Variants in GRIA4 observed in about 807,000 individuals in gnomAD.
The protein encoded by GRIA4 is glutamate ionotropic receptor AMPA type subunit 4.
In GRIA4, 34 loss-of-function variants were observed where a neutral mutation model predicts 104.0. The observed-to-expected ratio is 0.33, with a 90% confidence interval of 0.25 to 0.44. The LOEUF (loss-of-function observed/expected upper bound fraction) is 0.44. Among genes scored for constraint, GRIA4 ranks in the 20% least tolerant of loss-of-function variants. GRIA4 has a pLI of 1.00. For synonymous variants in GRIA4, 386 were observed against 381.9 expected (o/e 1.01, Z -0.13); for missense variants, 750 against 1,096.5 (o/e 0.68, Z 4.46).
chr11:105,790,670 A>T (rs1365921590), intron 4 of GRIA4, among the ~76,000 whole-genome samples: 1 of 152,186 alleles, frequency 6.6e-6, no homozygotes, highest in Non-Finnish European at 1.5e-5. Flanking sequence ...AATGCTATAA[A>T]TTTAAAAATA....
chr11:105,718,385 A>C (rs1322334356), intron 3 of GRIA4, among the ~76,000 whole-genome samples: 3 of 152,192 alleles, frequency 2.0e-5, no homozygotes, highest in Admixed American at 2.0e-4. Flanking sequence ...CTCCAGACAA[A>C]GGTACCAATA....
intron 11 of GRIA4, among the ~76,000 whole-genome samples, chr11:105,921,358 C>A (rs1294737091): frequency 7.2e-6 from 1 of 138,010 alleles, no homozygotes; most frequent in African/African-American, 2.7e-5. Flanking sequence ...TGTTTTAGTC[C>A]AAGGGAATAA....
At chr11:105,908,434 C>T (rs867938639) in intron 9 of GRIA4, among the ~76,000 whole-genome samples, 1 of 152,232 alleles carries the variant, frequency 6.6e-6, no homozygotes, top group Middle Eastern at 3.4e-3. Context: ...GAAATTCCAT[C>T]TTCTGTGAGG....
intron 3 of GRIA4, among the ~76,000 whole-genome samples, chr11:105,726,067 C>G (rs1034305246): frequency 6.6e-6 from 1 of 152,114 alleles, no homozygotes; most frequent in Non-Finnish European, 1.5e-5. Context: ...CCTGGAAAGG[C>G]TGAAGCCAGG....
intron 4 of GRIA4, among the ~76,000 whole-genome samples, chr11:105,818,926 G>A (rs1025888081): frequency 6.6e-6 from 1 of 152,132 alleles, no homozygotes; most frequent in African/African-American, 2.4e-5. Flanking sequence ...TTATGCATGT[G>A]TAACAAAGTC....
chr11:105,745,592 A>C (rs367811493), intron 3 of GRIA4, among the ~76,000 whole-genome samples: 1 of 152,282 alleles, frequency 6.6e-6, no homozygotes, highest in South Asian at 2.1e-4. Flanking sequence ...CACAATCCTC[A>C]TAAGTTTACC....
chr11:105,863,644 G>C (rs1945306959), intron 5 of GRIA4, among the ~76,000 whole-genome samples: 1 of 152,114 alleles, frequency 6.6e-6, no homozygotes, highest in South Asian at 2.1e-4. Context: ...TGTATTGAGA[G>C]TTTGAGTTGT....
At chr11:105,753,809 T>G (rs963167118) in intron 4 of GRIA4, among the ~76,000 whole-genome samples, 2 of 152,066 alleles carry the variant, frequency 1.3e-5, no homozygotes, top group Admixed American at 1.3e-4. Flanking sequence ...CATTTCCTCC[T>G]TCATATAAAG....
chr11:105,635,718 T>C (rs1444416722), intron 3 of GRIA4, among the ~76,000 whole-genome samples: 1 of 152,158 alleles, frequency 6.6e-6, no homozygotes, highest in Non-Finnish European at 1.5e-5. Flanking sequence ...TCAGTGACCC[T>C]CATCATCAGT....
intron 4 of GRIA4, among the ~76,000 whole-genome samples, chr11:105,773,176 G>A (rs935308253): frequency 1.5e-4 from 22 of 151,564 alleles, no homozygotes; most frequent in African/African-American, 5.1e-4. Context: ...GCTTTTCTCC[G>A]TGTTTGTCTA....
At chr11:105,760,944 T>C (rs894503194) in intron 4 of GRIA4, among the ~76,000 whole-genome samples, 5 of 152,182 alleles carry the variant, frequency 3.3e-5, no homozygotes, top group African/African-American at 1.2e-4. Context: ...CAAGGTTCTA[T>C]ATAATCAAAA....
chr11:105,894,791 A>ATTTTTTTTTTTTTTTTTTTT (rs569292239), intron 6 of GRIA4, among the ~76,000 whole-genome samples: 1 of 126,386 alleles, frequency 7.9e-6, no homozygotes, highest in African/African-American at 3.2e-5. Flanking sequence ...ATTGCTACAT[A>ATTTTTTTTTTTTTTTTTTTT]TTTTTTTTTT....
At chr11:105,970,706 TAGA>T (rs1455235021) in intron 14 of GRIA4, among the ~76,000 whole-genome samples, 1 of 152,182 alleles carries the variant, frequency 6.6e-6, no homozygotes, top group Non-Finnish European at 1.5e-5. Context: ...CAGCATTTCC[TAGA>T]AGAACTGAGG....
chr11:105,933,885 G>A lies in GRIA4; in HGVS notation c.2210G>A (p.Arg737Gln), dbSNP rs866269713. 1 of 1,613,378 alleles carries A rather than the reference G, an allele frequency of 6.2e-7. No homozygotes were observed. Among genetic ancestry groups the A allele is most frequent in the Non-Finnish European group, 8.5e-7 (1 of 1,179,488 alleles). Residue 737 changes from arginine (R) to glutamine (Q), a missense_variant, in exon 14 of 17, where the codon CGA becomes CAA. Physicochemically the swap from Arg to Gln is conservative, Grantham distance 43. Around this residue, in one of 3 missense-constraint regions of GRIA4, gnomAD observed 272 missense variants for 524.5 expected, o/e 0.52. Coordinates refer to ENST00000282499, the MANE Select transcript of GRIA4 (RefSeq NM_000829.4). ...ACTATGAATGAATACATTGAGCAGC[G>A]AAAGCCATGTGACACGATGAAAGTG... ...ESTMNEYIEQ[R>Q]KPCDTMKVGG...
chr11:105,758,617 T>C (rs1005744511), intron 4 of GRIA4, among the ~76,000 whole-genome samples: 3 of 152,174 alleles, frequency 2.0e-5, no homozygotes, highest in African/African-American at 4.8e-5. Context: ...TTTTCCCTTT[T>C]ACTACAAAAA....
intron 9 of GRIA4, among the ~76,000 whole-genome samples, chr11:105,908,743 A>G (rs1947130989): frequency 1.3e-5 from 2 of 152,140 alleles, no homozygotes; most frequent in South Asian, 4.1e-4. Flanking sequence ...TCTTGCCAAT[A>G]TCTAGGTACT....
intron 3 of GRIA4, among the ~76,000 whole-genome samples, chr11:105,669,402 T>C (rs555256227): frequency 5.7e-4 from 86 of 152,114 alleles, no homozygotes; most frequent in Non-Finnish European, 9.4e-4. Context: ...ATATATATTA[T>C]ATCTTTTTGT....
At chr11:105,911,956 C>T (rs1208691742) in intron 10 of GRIA4, 1 of 1,524,060 alleles carries the variant, frequency 6.6e-7, no homozygotes, top group Middle Eastern at 1.8e-4. Flanking sequence ...CTAACTAAGG[C>T]TCAAGTCTTG....
chr11:105,791,482 G>A (rs1407719229), intron 4 of GRIA4, among the ~76,000 whole-genome samples: 1 of 151,910 alleles, frequency 6.6e-6, no homozygotes, highest in Non-Finnish European at 1.5e-5. Context: ...ATACATGTGG[G>A]GCTTCCATAT....
Sources: gnomAD v4.1 joint callset for allele counts (sites outside exome capture counted in the v4.1 genomes callset) on GRCh38, gnomAD v4.1.1 for gene constraint, gnomAD v4.1.1 regional missense constraint, MANE v1.5 for transcripts, NCBI Gene and HGNC (gene_info 2026-07-23, HGNC 2026-07-21) for gene names.